The following TAFA1 variants were observed in gnomAD, a reference collection of about 807,000 sequenced individuals.
TAFA1 encodes the protein chemokine-like protein TAFA-1.
TAFA1 carries 4 observed loss-of-function variants against 18.5 expected under a neutral mutation model. The ratio of observed to expected loss-of-function variants is 0.22; its 90% CI spans 0.11 to 0.49. TAFA1 has a LOEUF of 0.49. Among genes scored for constraint, TAFA1 ranks in the 20% least tolerant of loss-of-function variants. The pLI is 0.98. For synonymous variants in TAFA1, 56 were observed against 55.2 expected (o/e 1.01, Z -0.06); for missense variants, 147 against 169.0 (o/e 0.87, Z 0.72).
At chr3:68,050,477 C>A (rs964457788) in intron 2 of TAFA1, among the ~76,000 whole-genome samples, 1 of 152,108 alleles carries the variant, frequency 6.6e-6, no homozygotes, top group East Asian at 1.9e-4. Context: ...CCATCGTCTG[C>A]TATGGCACGT....
chr3:68,198,562 G>A (rs576208191), intron 2 of TAFA1, among the ~76,000 whole-genome samples: 19 of 151,422 alleles, frequency 1.3e-4, no homozygotes, highest in Middle Eastern at 3.4e-3. Context: ...CTGAATTTTG[G>A]CCATTCTAAT....
intron 2 of TAFA1, among the ~76,000 whole-genome samples, chr3:68,074,764 A>G (rs2064804273): frequency 6.6e-6 from 1 of 152,142 alleles, no homozygotes; most frequent in Non-Finnish European, 1.5e-5. Flanking sequence ...CATAACCACC[A>G]TATACATTTT....
intron 2 of TAFA1, among the ~76,000 whole-genome samples, chr3:68,118,879 GGTATATACACA>G (rs145085110): frequency 0.13 from 19,632 of 151,818 alleles, 1,465 homozygotes; most frequent in East Asian, 0.35. Context: ...AATTCTTTTT[GGTATATACACA>G]GAAATGGAAT....
intron 2 of TAFA1, among the ~76,000 whole-genome samples, chr3:68,154,127 T>G (rs2065838166): frequency 6.6e-6 from 1 of 152,196 alleles, no homozygotes; most frequent in Non-Finnish European, 1.5e-5. Flanking sequence ...CATTTGGTGT[T>G]CAGGGATCCT....
intron 2 of TAFA1, among the ~76,000 whole-genome samples, chr3:68,272,140 C>G (rs958789440): frequency 6.6e-6 from 1 of 152,136 alleles, no homozygotes; most frequent in African/African-American, 2.4e-5. Context: ...AGAAAAAGAG[C>G]CTTATTCCCA....
chr3:68,305,398 T>TAA lies in TAFA1; in HGVS notation c.119-111882_119-111881insAA, dbSNP rs1553671936. On this transcript the variant is annotated intron_variant, in intron 2 of 4. Transcript: ENST00000478136. ...ATGGCTATATATATATGACTATATA[T>TAA]GACTATATGACTATATATATATATA... Among the ~76,000 whole-genome samples the TAA allele has an allele frequency of 1.5e-4, 17 of 113,976 alleles. No homozygotes were observed. In the East Asian group the frequency reaches 2.1e-3, roughly 14 times the overall value. The allele number at this position is 113,976 out of a possible 152,430, so 74.8% of individuals were successfully genotyped here. A position where few individuals can be genotyped will look rare whatever the true frequency, so the allele number is the denominator to read the frequency against.
chr3:68,348,241 A>G (rs1267526206), intron 2 of TAFA1, among the ~76,000 whole-genome samples: 2 of 152,168 alleles, frequency 1.3e-5, no homozygotes, highest in Non-Finnish European at 2.9e-5. Flanking sequence ...AAAATTAAAT[A>G]ACATAATGTA....
At chr3:68,259,048 G>C (rs1378377825) in intron 2 of TAFA1, among the ~76,000 whole-genome samples, 1 of 152,156 alleles carries the variant, frequency 6.6e-6, no homozygotes, top group African/African-American at 2.4e-5. Context: ...CAAATCATCT[G>C]GGGATGTCGA....
intron 2 of TAFA1, among the ~76,000 whole-genome samples, chr3:68,184,815 A>G (rs1019464616): frequency 1.3e-5 from 2 of 152,144 alleles, no homozygotes; most frequent in Non-Finnish European, 2.9e-5. Flanking sequence ...GTGGACCACC[A>G]TTTTACTTGT....
intron 2 of TAFA1, among the ~76,000 whole-genome samples, chr3:68,072,566 G>A (rs561113549): frequency 2.0e-5 from 3 of 152,292 alleles, no homozygotes; most frequent in East Asian, 3.9e-4. Context: ...AGAAAGGATA[G>A]CCAAGAAACA....
intron 2 of TAFA1, among the ~76,000 whole-genome samples, chr3:68,138,346 C>G (rs1486790868): frequency 6.6e-6 from 1 of 152,114 alleles, no homozygotes; most frequent in Admixed American, 6.6e-5. Flanking sequence ...GGTGTAGCAA[C>G]AAGGCAAAAG....
chr3:68,541,349 C>A (rs2073370737), intron 4 of TAFA1, among the ~76,000 whole-genome samples: 1 of 152,136 alleles, frequency 6.6e-6, no homozygotes, highest in African/African-American at 2.4e-5. Context: ...ATATAGGAAC[C>A]ATCTATTCTG....
chr3:68,083,030 A>T (rs557360271), intron 2 of TAFA1, among the ~76,000 whole-genome samples: 1 of 152,342 alleles, frequency 6.6e-6, no homozygotes, highest in East Asian at 1.9e-4. Flanking sequence ...TTTGTGAAGG[A>T]TTAATATTAA....
At chr3:68,501,599 T>TGCTAAATG (rs1200256384) in intron 3 of TAFA1, among the ~76,000 whole-genome samples, 1 of 152,110 alleles carries the variant, frequency 6.6e-6, no homozygotes, top group Non-Finnish European at 1.5e-5. Context: ...CTAAACACTG[T>TGCTAAATG]GCTAAATGCG....
At chr3:68,307,394 T>C (rs1396240200) in intron 2 of TAFA1, among the ~76,000 whole-genome samples, 2 of 152,208 alleles carry the variant, frequency 1.3e-5, no homozygotes, top group African/African-American at 4.8e-5. Context: ...AGTGGTCTTA[T>C]AGGTAAAGTA....
chr3:68,315,106 T>G (rs2068585855), intron 2 of TAFA1, among the ~76,000 whole-genome samples: 1 of 152,090 alleles, frequency 6.6e-6, no homozygotes, highest in Admixed American at 6.6e-5. Context: ...GCCCCAACCA[T>G]TTTTCTAAGA....
At chr3:68,358,497 T>G (rs1446076570) in intron 2 of TAFA1, among the ~76,000 whole-genome samples, 2 of 151,974 alleles carry the variant, frequency 1.3e-5, no homozygotes, top group Non-Finnish European at 2.9e-5. Flanking sequence ...GAAAAACTAG[T>G]AACAGGTGGA....
At chr3:68,184,031 C>T (rs1486391015) in intron 2 of TAFA1, among the ~76,000 whole-genome samples, 1 of 152,086 alleles carries the variant, frequency 6.6e-6, no homozygotes, top group Admixed American at 6.6e-5. Context: ...GTAACCTGAA[C>T]AAAAAACTCA....
chr3:68,486,102 GTTTTATTTTATTTTATTTTA>G, intron 3 of TAFA1, among the ~76,000 whole-genome samples: 1 of 121,328 alleles, frequency 8.2e-6, no homozygotes, highest in African/African-American at 3.1e-5. Context: ...ATTTTATTTT[GTTTTATTTTATTTTATTTTA>G]TTTTATTTTA....
Sources: gnomAD v4.1 joint callset for allele counts (sites outside exome capture counted in the v4.1 genomes callset) on GRCh38, gnomAD v4.1.1 for gene constraint, MANE v1.5 for transcripts, NCBI Gene and HGNC (gene_info 2026-07-23, HGNC 2026-07-21) for gene names.